IQCK: variants seen among roughly 807,000 people sequenced by gnomAD.
IQCK encodes the protein IQ motif containing K.
In IQCK, 29 loss-of-function variants were observed where a neutral mutation model predicts 28.1. That is an observed-to-expected ratio of 1.03 (90% CI 0.77 to 1.41). The LOEUF (loss-of-function observed/expected upper bound fraction) is 1.41. Among genes scored for constraint, IQCK ranks in the 40% most tolerant of loss-of-function variants. IQCK has a pLI of 0.00. For synonymous variants in IQCK, 113 were observed against 115.1 expected, an observed-to-expected ratio of 0.98 and a Z score of 0.12; for missense variants, 359 against 314.7, an observed-to-expected ratio of 1.14 and a Z score of -1.07.
At chr16:19,734,018 G>T (rs1177844384) in intron 3 of IQCK, 191 bp downstream of exon 3, 4 of 521,234 alleles carry the variant, frequency 7.7e-6, no homozygotes, top group Non-Finnish European at 1.3e-5. Context: ...ATGTAATAAA[G>T]ATAATAAGTA....
chr16:19,748,975 G>A (rs2054950384), intron 4 of IQCK, among the ~76,000 whole-genome samples: 1 of 152,172 alleles, frequency 6.6e-6, no homozygotes, highest in Admixed American at 6.5e-5. Flanking sequence ...AAAGAAGGAA[G>A]CCATTTTTTA....
chr16:19,858,216 C>T (rs536709142), exon 10 of IQCK: 1 of 341,174 alleles, frequency 2.9e-6, no homozygotes, highest in South Asian at 1.4e-4. Flanking sequence ...CTCCCTTCTC[C>T]TCTCACTCCC....
At chr16:19,823,947 T>TTTTAATA (rs2056109319) in intron 7 of IQCK, among the ~76,000 whole-genome samples, 1 of 151,192 alleles carries the variant, frequency 6.6e-6, no homozygotes, top group African/African-American at 2.4e-5. Flanking sequence ...AATAAATAAA[T>TTTTAATA]AAATAAATAA....
chr16:19,736,995 A>G (rs1400464572), intron 4 of IQCK, among the ~76,000 whole-genome samples: 1 of 151,664 alleles, frequency 6.6e-6, no homozygotes, highest in Non-Finnish European at 1.5e-5. Context: ...AAAAAAAAAA[A>G]AAAAAAGAAA....
chr16:19,804,206 T>C (rs2055802851), intron 7 of IQCK, among the ~76,000 whole-genome samples: 1 of 151,562 alleles, frequency 6.6e-6, no homozygotes, highest in African/African-American at 2.4e-5. Flanking sequence ...AAAAAAAAAT[T>C]AGCTGGGCAT....
downstream of IQCK, among the ~76,000 whole-genome samples, chr16:19,827,686 A>T (rs1433788327): frequency 6.6e-6 from 1 of 152,202 alleles, no homozygotes; most frequent in East Asian, 1.9e-4. Flanking sequence ...GGCTTCATCC[A>T]ATCTGTTAAG....
chr16:19,833,536 G>A (rs1279774444), intron 9 of IQCK, among the ~76,000 whole-genome samples: 1 of 152,162 alleles, frequency 6.6e-6, no homozygotes, highest in Non-Finnish European at 1.5e-5. Context: ...TCCTGGAGCT[G>A]AGACTTGATT....
chr16:19,756,039 C>T (rs2055047361), intron 4 of IQCK, among the ~76,000 whole-genome samples: 1 of 152,152 alleles, frequency 6.6e-6, no homozygotes, highest in Admixed American at 6.5e-5. Flanking sequence ...AAAAAATTAG[C>T]TGGGCCTGGT....
chr16:19,748,072 C>CTTTTTTTTTT (rs61573221), intron 4 of IQCK, among the ~76,000 whole-genome samples: 3 of 117,214 alleles, frequency 2.6e-5, no homozygotes, highest in African/African-American at 3.5e-5. Context: ...GGCTCAAATT[C>CTTTTTTTTTT]TTTTTTTTTT....
intron 9 of IQCK, among the ~76,000 whole-genome samples, chr16:19,841,185 G>T (rs2056358908): frequency 6.6e-6 from 1 of 152,148 alleles, no homozygotes; most frequent in Non-Finnish European, 1.5e-5. Flanking sequence ...AGTAGCAAGA[G>T]ATCTAAAAAA....
intron 4 of IQCK, among the ~76,000 whole-genome samples, chr16:19,744,463 C>T (rs564153754): frequency 6.6e-5 from 10 of 152,182 alleles, no homozygotes; most frequent in African/African-American, 2.2e-4. Context: ...TTTAAATGCT[C>T]AATGTAAAAT....
At position 19,776,605 on chromosome 16, in the gene IQCK, A is replaced by C. The variant is rs2055398786; in HGVS notation, c.606-12233A>C. On this transcript the variant is annotated intron_variant, in intron 6 of 7. Transcript: ENST00000564186. The stretch of plus-strand genomic sequence containing the variant: ...GCCTGTAATACGCCAGCTACTTGGG[A>C]GGCTGAGGCAGCAGAATTGCCGGAA... Among the ~76,000 whole-genome samples, 3 of 152,304 alleles carry C rather than the reference A, an allele frequency of 2.0e-5. No homozygotes were observed. The South Asian group carries it at 6.2e-4, about 32-fold the overall frequency.
At chr16:19,729,690 G>C (rs183945438) in intron 1 of IQCK, among the ~76,000 whole-genome samples, 1 of 151,418 alleles carries the variant, frequency 6.6e-6, no homozygotes, top group Non-Finnish European at 1.5e-5. Context: ...TGTCGCCCAG[G>C]CTGGAGTGCA....
chr16:19,754,633 CT>C (rs1412900592), intron 4 of IQCK, among the ~76,000 whole-genome samples: 1 of 124,804 alleles, frequency 8.0e-6, no homozygotes, highest in Non-Finnish European at 1.5e-5. Context: ...ATTTTTTTCT[CT>C]TTCTTTTTTT....
chr16:19,832,659 ACTGTATTAGTCC>A (rs2056246615), intron 9 of IQCK, among the ~76,000 whole-genome samples: 1 of 152,208 alleles, frequency 6.6e-6, no homozygotes, highest in Non-Finnish European at 1.5e-5. Flanking sequence ...ATATTCGTAT[ACTGTATTAGTCC>A]ATTTTCACAC....
At chr16:19,742,305 T>C (rs1359350001) in intron 4 of IQCK, among the ~76,000 whole-genome samples, 1 of 152,224 alleles carries the variant, frequency 6.6e-6, no homozygotes, top group Non-Finnish European at 1.5e-5. Context: ...CTATTAACTT[T>C]CTTCATTTCC....
At chr16:19,747,580 G>T (rs1239455831) in intron 4 of IQCK, among the ~76,000 whole-genome samples, 2 of 151,594 alleles carry the variant, frequency 1.3e-5, no homozygotes, top group Non-Finnish European at 2.9e-5. Context: ...GAGCTTTAGG[G>T]TATCACCCAA....
At chr16:19,752,131 T>A (rs2054995046) in intron 4 of IQCK, among the ~76,000 whole-genome samples, 1 of 152,222 alleles carries the variant, frequency 6.6e-6, no homozygotes, top group African/African-American at 2.4e-5. Context: ...AGATTAAACC[T>A]TACAGTTAGG....
chr16:19,822,817 C>T (rs2056093339), intron 7 of IQCK, among the ~76,000 whole-genome samples: 2 of 152,126 alleles, frequency 1.3e-5, no homozygotes, highest in Admixed American at 6.5e-5. Flanking sequence ...GAACTGTATA[C>T]TTTAAAAGGA....
Sources: allele counts gnomAD v4.1 joint callset (sites outside exome capture counted in the v4.1 genomes callset), GRCh38; gene constraint gnomAD v4.1.1; transcripts MANE v1.5; gene names NCBI Gene and HGNC (gene_info 2026-07-23, HGNC 2026-07-21).